Variants in EYS observed in about 807,000 individuals in gnomAD.
EYS encodes the protein protein eyes shut homolog.
Under a neutral mutation model 282.1 loss-of-function variants are expected in EYS, and 250 were observed. The ratio of observed to expected loss-of-function variants is 0.89; its 90% confidence interval spans 0.80 to 0.98. EYS has a LOEUF of 0.98. EYS is among the 50% of genes least tolerant of loss of function. The pLI, the probability that EYS is intolerant of heterozygous loss-of-function variation, is 0.00. For synonymous variants in EYS, 1,355 were observed against 1,282.9 expected (o/e 1.06, Z -1.20); for missense variants, 4,016 against 3,709.0 (o/e 1.08, Z -2.15).
intron 35 of EYS, among the ~76,000 whole-genome samples, chr6:63,893,420 C>CT (rs1773457506): frequency 6.6e-6 from 1 of 152,062 alleles, no homozygotes; most frequent in African/African-American, 2.4e-5. Context: ...AGTTCTTGTC[C>CT]TGTGCAGGGA....
chr6:64,440,791 A>G (rs896246455), intron 26 of EYS, among the ~76,000 whole-genome samples: 10 of 152,174 alleles, frequency 6.6e-5, no homozygotes, highest in African/African-American at 2.2e-4. Context: ...AAACATTACA[A>G]GAAGAATATA....
chr6:64,017,570 A>G (rs1411034908), intron 33 of EYS, among the ~76,000 whole-genome samples: 1 of 152,152 alleles, frequency 6.6e-6, no homozygotes, highest in African/African-American at 2.4e-5. Flanking sequence ...TGCATAATGC[A>G]CACAATGCAC....
chr6:64,995,109 C>T (rs2150124687), intron 14 of EYS, among the ~76,000 whole-genome samples: 1 of 152,130 alleles, frequency 6.6e-6, no homozygotes, highest in East Asian at 1.9e-4. Context: ...TCAGCTTGGC[C>T]CCTGCAGGAG....
chr6:64,087,893 T>C (rs1394851621), intron 31 of EYS, among the ~76,000 whole-genome samples: 1 of 152,060 alleles, frequency 6.6e-6, no homozygotes, highest in Non-Finnish European at 1.5e-5. Flanking sequence ...ACTCACAAAG[T>C]ACAATAAAAA....
intron 2 of EYS, among the ~76,000 whole-genome samples, chr6:65,511,980 G>T (rs1203616705): frequency 9.2e-5 from 6 of 64,988 alleles, no homozygotes; most frequent in South Asian, 7.3e-4. Flanking sequence ...GCAAAACTCT[G>T]TCTCAAAAAA....
intron 12 of EYS, among the ~76,000 whole-genome samples, chr6:65,217,957 A>G (rs1025581046): frequency 2.0e-5 from 3 of 152,098 alleles, no homozygotes; most frequent in African/African-American, 7.2e-5. Flanking sequence ...ACTGAGACCA[A>G]CTATGAAAGG....
chr6:65,507,449 A>G (rs573513085), intron 2 of EYS, among the ~76,000 whole-genome samples: 1 of 152,072 alleles, frequency 6.6e-6, no homozygotes, highest in East Asian at 1.9e-4. Context: ...TGTTCTCTCA[A>G]CTTCCAGGAC....
chr6:65,280,658 T>C (rs909776086), intron 12 of EYS, among the ~76,000 whole-genome samples: 2 of 151,968 alleles, frequency 1.3e-5, no homozygotes, highest in Non-Finnish European at 2.9e-5. Context: ...AATTTTCACA[T>C]ACTTGTAATG....
chr6:64,294,687 G>T (rs1481960669), intron 30 of EYS, among the ~76,000 whole-genome samples: 1 of 152,124 alleles, frequency 6.6e-6, no homozygotes, highest in Non-Finnish European at 1.5e-5. Context: ...GGTTATACTT[G>T]CACTGATAGT....
intron 35 of EYS, among the ~76,000 whole-genome samples, chr6:63,922,063 A>C (rs979779278): frequency 3.9e-5 from 6 of 152,148 alleles, no homozygotes; most frequent in Admixed American, 3.9e-4. Context: ...TGTGTGGAGC[A>C]AGAAGGTGGC....
At chr6:64,853,321 C>T (rs1259603129) in intron 19 of EYS, among the ~76,000 whole-genome samples, 2 of 151,962 alleles carry the variant, frequency 1.3e-5, no homozygotes, top group African/African-American at 2.4e-5. Context: ...ACATAAATAT[C>T]AAATATTTGT....
intron 22 of EYS, among the ~76,000 whole-genome samples, chr6:64,721,611 C>A (rs2149943599): frequency 6.6e-6 from 1 of 152,152 alleles, no homozygotes; most frequent in South Asian, 2.1e-4. Flanking sequence ...CTTGACTTTC[C>A]TTTAATTTAT....
At chr6:64,140,801 C>G (rs1339063688) in intron 31 of EYS, among the ~76,000 whole-genome samples, 2 of 152,130 alleles carry the variant, frequency 1.3e-5, no homozygotes, top group Non-Finnish European at 2.9e-5. Context: ...GCATTCCCCA[C>G]TCTCCTTTAT....
intron 8 of EYS, among the ~76,000 whole-genome samples, chr6:65,362,966 A>T (rs1764771689): frequency 6.6e-6 from 1 of 152,098 alleles, no homozygotes; most frequent in Non-Finnish European, 1.5e-5. Flanking sequence ...ACAGGAAAGC[A>T]AGCAGTCTCA....
intron 31 of EYS, among the ~76,000 whole-genome samples, chr6:64,212,362 A>G (rs942290079): frequency 6.6e-6 from 1 of 152,008 alleles, no homozygotes. Context: ...AAAGAAAACA[A>G]TAAGTCCCAA....
chr6:64,594,985 A>C (rs1300940455), intron 24 of EYS, among the ~76,000 whole-genome samples: 1 of 152,070 alleles, frequency 6.6e-6, no homozygotes, highest in Admixed American at 6.6e-5. Context: ...AAACTAGACA[A>C]GAACATAAAA....
chr6:64,346,363 T>A (rs1771393164), intron 29 of EYS, among the ~76,000 whole-genome samples: 1 of 152,052 alleles, frequency 6.6e-6, no homozygotes, highest in Non-Finnish European at 1.5e-5. Flanking sequence ...CATGGAATAC[T>A]ATGCAGCCAT....
At chr6:65,615,797 G>A (rs919864512) in intron 2 of EYS, among the ~76,000 whole-genome samples, 1 of 151,904 alleles carries the variant, frequency 6.6e-6, no homozygotes, top group Non-Finnish European at 1.5e-5. Flanking sequence ...AGCCGGTCGT[G>A]GTGGCGGGCG....
Position 65,067,600 on chromosome 6 carries a change from C to T in EYS, c.2024-9873G>A, listed in dbSNP as rs142104711. On this transcript the variant is annotated intron_variant, in intron 12 of 42. Transcript: ENST00000503581. ...AATTTGAACAGGAAAAATTCTTATACGTAATTATTAACTAGAAAACATAAT... is the reference window on the plus strand; with the variant it reads ...AATTTGAACAGGAAAAATTCTTATATGTAATTATTAACTAGAAAACATAAT... Among the ~76,000 whole-genome samples, 107 of 152,028 alleles carry T rather than the reference C, an allele frequency of 7.0e-4. 1 individual carries two copies. The highest frequency in any genetic ancestry group is 2.4e-3 in the African/African-American group (99 of 41,486).
Sources: allele counts gnomAD v4.1 joint callset (sites outside exome capture counted in the v4.1 genomes callset), GRCh38; gene constraint gnomAD v4.1.1; transcripts MANE v1.5; gene names NCBI Gene and HGNC (gene_info 2026-07-23, HGNC 2026-07-21).